The following UGT2A2 variants were observed in gnomAD, a reference collection of about 807,000 sequenced individuals.
The protein encoded by UGT2A2 is UDP glucuronosyltransferase family 2 member A2, also known as UDP-glucuronosyltransferase 2A2.
In UGT2A2, 60 loss-of-function variants were observed where a neutral mutation model predicts 50.7. The observed-to-expected ratio is 1.18, with a 90% CI of 0.96 to 1.47. UGT2A2 has a LOEUF of 1.47. UGT2A2 is among the 40% of genes most tolerant of loss of function. The pLI, the probability that UGT2A2 is intolerant of heterozygous loss-of-function variation, is 0.00. For missense variants in UGT2A2, 762 were observed against 634.0 expected, an observed-to-expected ratio of 1.20 and a Z score of -2.17; for synonymous variants, 242 against 214.6, an observed-to-expected ratio of 1.13 and a Z score of -1.11.
At chr4:69,636,049 TAA>T (rs552729638) in intron 1 of UGT2A2, among the ~76,000 whole-genome samples, 51 of 152,268 alleles carry the variant, frequency 3.3e-4, no homozygotes, top group African/African-American at 1.2e-3. Flanking sequence ...CTGTAAGATT[TAA>T]GAGTTCCTCA....
At chr4:69,594,369 T>C in intron 5 of UGT2A2, 108 bp downstream of exon 5, 1 of 1,389,370 alleles carries the variant, frequency 7.2e-7, no homozygotes, top group African/African-American at 1.5e-5. Context: ...GGTCAGGTTA[T>C]GGTTGTTATT....
intron 1 of UGT2A2, among the ~76,000 whole-genome samples, chr4:69,602,131 G>A (rs1052080709): frequency 7.4e-6 from 1 of 136,054 alleles, no homozygotes; most frequent in Non-Finnish European, 1.6e-5. Flanking sequence ...TTATAGTAAT[G>A]AAATGATAGC....
chr4:69,632,246 G>A (rs897199850), intron 1 of UGT2A2, among the ~76,000 whole-genome samples: 3 of 152,134 alleles, frequency 2.0e-5, no homozygotes, highest in Non-Finnish European at 4.4e-5. Context: ...TACCATGAAG[G>A]AAGAGGGAAG....
chr4:69,594,509 A>G lies in UGT2A2; in HGVS notation c.1299T>C (p.Leu433=), dbSNP rs751040289. 11 of 1,614,020 alleles carry G rather than the reference A, an allele frequency of 6.8e-6. No individual in the cohort carries two copies. The highest frequency in any genetic ancestry group is 1.7e-5 in the Admixed American group (1 of 59,990). ...NLNTMTSVDL[L]SALRTVINEP... The stretch of plus-strand genomic sequence containing the variant: ...CATTAATGACTGTTCTCAAAGCGCT[A>G]AGCAAATCCACACTTGTCATTGTGT... The change falls in exon 5 of 6, where the codon CTT becomes CTC. Residue 433 remains leucine, a synonymous_variant. Transcript: ENST00000604629.
chr4:69,628,423 G>A (rs959565066), intron 1 of UGT2A2, among the ~76,000 whole-genome samples: 16 of 151,706 alleles, frequency 1.1e-4, no homozygotes, highest in African/African-American at 3.9e-4. Flanking sequence ...GGAACAAAAT[G>A]GAGAGTCTAG....
intron 1 of UGT2A2, among the ~76,000 whole-genome samples, chr4:69,609,740 C>G (rs1007203761): frequency 6.6e-6 from 1 of 152,048 alleles, no homozygotes; most frequent in African/African-American, 2.4e-5. Flanking sequence ...TGGTTTATAT[C>G]CTGTAAATAC....
intron 1 of UGT2A2, among the ~76,000 whole-genome samples, chr4:69,600,364 G>A (rs563876662): frequency 2.0e-5 from 3 of 152,190 alleles, no homozygotes; most frequent in East Asian, 1.9e-4. Context: ...GGGACCTTGC[G>A]GAAGTCTGTC....
chr4:69,611,473 A>C (rs886293129), intron 1 of UGT2A2, among the ~76,000 whole-genome samples: 1 of 152,070 alleles, frequency 6.6e-6, no homozygotes, highest in African/African-American at 2.4e-5. Context: ...ATGTATGCAC[A>C]CACTATGACA....
At chr4:69,594,348 G>A in intron 5 of UGT2A2, 129 bp downstream of exon 5, 1 of 1,248,620 alleles carries the variant, frequency 8.0e-7, no homozygotes, top group South Asian at 1.6e-5. Flanking sequence ...AAATAAAATA[G>A]TTTTTATATT....
chr4:69,627,416 C>G (rs1465936519), intron 1 of UGT2A2, among the ~76,000 whole-genome samples: 1 of 150,138 alleles, frequency 6.7e-6, no homozygotes, highest in South Asian at 2.1e-4. Context: ...TAGATTATAA[C>G]AAAATTCCAA....
intron 5 of UGT2A2, among the ~76,000 whole-genome samples, chr4:69,592,270 A>G (rs1718636514): frequency 6.6e-6 from 1 of 152,192 alleles, no homozygotes; most frequent in Non-Finnish European, 1.5e-5. Flanking sequence ...TGGACTCTAC[A>G]TGAAAACAAT....
intron 1 of UGT2A2, among the ~76,000 whole-genome samples, chr4:69,636,078 G>A (rs1182621856): frequency 6.6e-6 from 1 of 152,088 alleles, no homozygotes; most frequent in African/African-American, 2.4e-5. Flanking sequence ...TAGAAAACAA[G>A]TTTTTTAACT....
At chr4:69,601,699 T>C (rs1719305022) in intron 1 of UGT2A2, among the ~76,000 whole-genome samples, 1 of 151,694 alleles carries the variant, frequency 6.6e-6, no homozygotes, top group Admixed American at 6.6e-5. Context: ...TCTCACAAAG[T>C]CTATGTAACT....
intron 1 of UGT2A2, among the ~76,000 whole-genome samples, chr4:69,608,023 G>A (rs188289637): frequency 6.6e-6 from 1 of 152,170 alleles, no homozygotes; most frequent in East Asian, 1.9e-4. Flanking sequence ...AATTTCTCAG[G>A]GATCTAGAAT....
Position 69,639,189 on chromosome 4 carries a change from C to T in UGT2A2, c.452G>A (p.Gly151Asp), listed in dbSNP as rs762929432. 2.5e-6 allele frequency: 4 copies of T among 1,613,672 alleles called. No individual in the cohort carries two copies. Among genetic ancestry groups the T allele is most frequent in the Non-Finnish European group, 3.4e-6 (4 of 1,179,752 alleles). ...NPKLMARLQK[G>D]GFDVLVADPV... ...GTCTGCTACCAACACATCAAAACCA[C>T]CTTTCTGAAGTCTTGCCATCAACTT... The change falls in exon 1 of 6, where the codon GGT (glycine) becomes GAT (aspartate). Residue 151 changes from glycine (G) to aspartate (D), a missense_variant. By Grantham distance (94) the Gly-to-Asp change is moderately conservative. Coordinates refer to ENST00000604629, the MANE Select transcript of UGT2A2 (RefSeq NM_001105677.2).
chr4:69,597,500 C>T lies in UGT2A2; in HGVS notation c.892-1119G>A, dbSNP rs78630918. 2.4e-4 allele frequency among the ~76,000 whole-genome samples: 36 copies of T among 152,226 alleles called. No homozygotes were observed. In the East Asian group the frequency reaches 6.9e-3, roughly 29 times the overall value. On this transcript the variant is annotated intron_variant, in intron 2 of 5. Coordinates refer to ENST00000604629, the MANE Select transcript of UGT2A2 (RefSeq NM_001105677.2). The stretch of plus-strand genomic sequence containing the variant: ...GAATGCTACTTTCTACAGATGTATC[C>T]TGCATTCCCTGTGCAAATATTTGTT...
At chr4:69,620,943 A>T (rs1363726975) in intron 1 of UGT2A2, among the ~76,000 whole-genome samples, 1 of 152,104 alleles carries the variant, frequency 6.6e-6, no homozygotes, top group Non-Finnish European at 1.5e-5. Context: ...ATAAATGGCT[A>T]GCCATATACA....
chr4:69,639,190 C>T lies in UGT2A2; in HGVS notation c.451G>A (p.Gly151Ser), dbSNP rs767538678. 5 of 1,613,680 alleles carry T rather than the reference C, an allele frequency of 3.1e-6. No individual in the cohort carries two copies. Among genetic ancestry groups the T allele is most frequent in the South Asian group, 2.2e-5 (2 of 91,038 alleles). ...NPKLMARLQK[G>S]GFDVLVADPV... ...TCTGCTACCAACACATCAAAACCAC[C>T]TTTCTGAAGTCTTGCCATCAACTTT... The change falls in exon 1 of 6, where the codon GGT becomes AGT. Residue 151 changes from glycine to serine, a missense_variant. Coordinates refer to ENST00000604629, the MANE Select transcript of UGT2A2 (RefSeq NM_001105677.2).
At chr4:69,629,062 C>T (rs1235274742) in intron 1 of UGT2A2, among the ~76,000 whole-genome samples, 1 of 151,784 alleles carries the variant, frequency 6.6e-6, no homozygotes, top group Non-Finnish European at 1.5e-5. Context: ...TTTGTCATTT[C>T]CCCAGTACCA....
Sources: allele counts gnomAD v4.1 joint callset (sites outside exome capture counted in the v4.1 genomes callset), GRCh38; gene constraint gnomAD v4.1.1; transcripts MANE v1.5; gene names NCBI Gene and HGNC (gene_info 2026-07-23, HGNC 2026-07-21).